The following WDPCP variants were observed in gnomAD, a reference collection of about 807,000 sequenced individuals.
The protein encoded by WDPCP is WD repeat-containing and planar cell polarity effector protein fritz homolog.
A neutral mutation model predicts 93.1 loss-of-function variants in WDPCP; 71 were observed. That is an observed-to-expected ratio of 0.76 (90% CI 0.63 to 0.93). The LOEUF (loss-of-function observed/expected upper bound fraction) is 0.93, where lower values mean the gene tolerates loss of function less well. WDPCP is among the 40% of genes least tolerant of loss of function. The pLI, the probability that WDPCP is intolerant of heterozygous loss-of-function variation, is 0.00. For missense variants in WDPCP, 844 were observed against 887.4 expected, an observed-to-expected ratio of 0.95 and a Z score of 0.62; for synonymous variants, 315 against 315.0, an observed-to-expected ratio of 1.00 and a Z score of 0.00.
At chr2:63,149,760 T>G (rs1330733009) in intron 17 of WDPCP, among the ~76,000 whole-genome samples, 1 of 152,200 alleles carries the variant, frequency 6.6e-6, no homozygotes, top group Admixed American at 6.5e-5. Context: ...TCCACTTATA[T>G]AAAGTTCAGA....
chr2:63,154,895 A>G (rs1013724394), intron 15 of WDPCP, among the ~76,000 whole-genome samples: 1 of 152,182 alleles, frequency 6.6e-6, no homozygotes, highest in African/African-American at 2.4e-5. Context: ...TCAATTTCCC[A>G]AATAGCTCAT....
intron 6 of WDPCP, among the ~76,000 whole-genome samples, chr2:63,449,239 T>C (rs894427203): frequency 2.6e-5 from 4 of 152,190 alleles, no homozygotes; most frequent in Non-Finnish European, 4.4e-5. Flanking sequence ...ACCTCTCTCC[T>C]GAAACTTTCA....
At chr2:63,749,789 T>C (rs1182362076) in intron 2 of WDPCP, among the ~76,000 whole-genome samples, 1 of 152,166 alleles carries the variant, frequency 6.6e-6, no homozygotes, top group Non-Finnish European at 1.5e-5. Flanking sequence ...GAACACATAA[T>C]CTAGAATTTT....
At chr2:63,331,805 T>A (rs184496784) in intron 12 of WDPCP, among the ~76,000 whole-genome samples, 1 of 152,298 alleles carries the variant, frequency 6.6e-6, no homozygotes, top group Admixed American at 6.5e-5. Flanking sequence ...GTATCAGGCT[T>A]TGCTTTTCCT....
chr2:63,688,295 T>C (rs1668839981), intron 2 of WDPCP, among the ~76,000 whole-genome samples: 1 of 151,650 alleles, frequency 6.6e-6, no homozygotes, highest in Non-Finnish European at 1.5e-5. Context: ...GGCGTGGTGG[T>C]GGGCGCCTGT....
Position 63,588,294 on chromosome 2 carries a change from AAGGTTCCT to A in WDPCP, c.-31_-24del, listed in dbSNP as rs762799940. 6.8e-5 allele frequency: 106 copies of A among 1,565,426 alleles called. No homozygotes were observed. Among genetic ancestry groups the A allele is most frequent in the Middle Eastern group, 5.0e-4 (3 of 6,036 alleles). ...CATCACCAGACACTACCCCGGGCAGAAGGTTCCTAGGCTAGGTCCTCGGACCCGAGAGG... is the reference window on the plus strand; with the variant it reads ...CATCACCAGACACTACCCCGGGCAGAAGGCTAGGTCCTCGGACCCGAGAGG... On this transcript the variant is annotated 5_prime_UTR_variant, in exon 1 of 18. Coordinates refer to ENST00000272321, the MANE Select transcript of WDPCP (RefSeq NM_015910.7).
chr2:63,484,308 C>A (rs752947402), intron 6 of WDPCP, among the ~76,000 whole-genome samples: 7 of 151,850 alleles, frequency 4.6e-5, no homozygotes, highest in Non-Finnish European at 7.4e-5. Context: ...AAATCTATGC[C>A]AGCAAACATC....
intron 6 of WDPCP, among the ~76,000 whole-genome samples, chr2:63,465,265 G>T (rs1346301120): frequency 6.6e-6 from 1 of 151,880 alleles, no homozygotes; most frequent in Non-Finnish European, 1.5e-5. Flanking sequence ...ATTTTTGTTT[G>T]ATAGCTAAAT....
chr2:63,372,912 T>A (rs902035901), intron 12 of WDPCP, among the ~76,000 whole-genome samples: 1 of 151,930 alleles, frequency 6.6e-6, no homozygotes, highest in African/African-American at 2.4e-5. Context: ...TCACCTGAGG[T>A]TGGGAGTTTG....
Position 63,547,553 on chromosome 2 carries a change from G to GTATA in WDPCP, c.75+40640_75+40643dup, listed in dbSNP as rs3077063. On this transcript the variant is annotated intron_variant, in intron 1 of 17. Transcript: ENST00000272321. The stretch of plus-strand genomic sequence containing the variant: ...TAAACAGATAAAGAAAATGTGGTAT[G>GTATA]TATACACACACACACACACACACAT... 5.2e-4 allele frequency among the ~76,000 whole-genome samples: 78 copies of GTATA among 150,076 alleles called. 1 individual carries two copies. The East Asian group carries it at 9.1e-3, about 18-fold the overall frequency.
intron 17 of WDPCP, among the ~76,000 whole-genome samples, chr2:63,136,705 C>T (rs1670644942): frequency 6.6e-6 from 1 of 152,114 alleles, no homozygotes; most frequent in African/African-American, 2.4e-5. Flanking sequence ...TTCTCCCACC[C>T]TCCACCCTCC....
intron 12 of WDPCP, among the ~76,000 whole-genome samples, chr2:63,348,314 T>C (rs1689336754): frequency 6.6e-6 from 1 of 152,182 alleles, no homozygotes; most frequent in African/African-American, 2.4e-5. Flanking sequence ...CTGCATGCTA[T>C]CTCCACAACT....
intron 1 of WDPCP, among the ~76,000 whole-genome samples, chr2:63,531,678 G>A (rs1703863901): frequency 1.3e-5 from 2 of 152,084 alleles, no homozygotes; most frequent in African/African-American, 4.8e-5. Flanking sequence ...CAACAAAAAG[G>A]ACATCCACAC....
chr2:63,467,140 T>C (rs911135698), intron 6 of WDPCP, among the ~76,000 whole-genome samples: 1 of 152,180 alleles, frequency 6.6e-6, no homozygotes, highest in South Asian at 2.1e-4. Context: ...TGGATTGAAG[T>C]AGTCAAGATA....
intron 3 of WDPCP, among the ~76,000 whole-genome samples, chr2:63,609,370 A>G (rs982986211): frequency 7.9e-5 from 12 of 151,774 alleles, no homozygotes; most frequent in African/African-American, 2.9e-4. Context: ...AAACAAAACA[A>G]CAACAACAAA....
chr2:63,755,210 C>G (rs1669944745), intron 2 of WDPCP, among the ~76,000 whole-genome samples: 1 of 152,174 alleles, frequency 6.6e-6, no homozygotes, highest in Admixed American at 6.5e-5. Context: ...TTACACAGGT[C>G]TGCTATATTC....
intron 6 of WDPCP, among the ~76,000 whole-genome samples, chr2:63,453,515 T>C (rs1355502942): frequency 6.6e-6 from 1 of 152,142 alleles, no homozygotes; most frequent in Non-Finnish European, 1.5e-5. Context: ...ACTAGTTCAA[T>C]CATTGTGGAA....
intron 12 of WDPCP, among the ~76,000 whole-genome samples, chr2:63,334,597 G>T (rs895359935): frequency 8.5e-5 from 13 of 152,272 alleles, no homozygotes; most frequent in Admixed American, 1.3e-4. Flanking sequence ...AGTAGAGTGA[G>T]TAGTAGGAGG....
At chr2:63,713,306 C>A (rs1440398243) in intron 2 of WDPCP, among the ~76,000 whole-genome samples, 1 of 152,154 alleles carries the variant, frequency 6.6e-6, no homozygotes, top group African/African-American at 2.4e-5. Context: ...AAGGGCTGTA[C>A]CTCCCTTACC....
Sources: gnomAD v4.1 joint callset for allele counts (sites outside exome capture counted in the v4.1 genomes callset) on GRCh38, gnomAD v4.1.1 for gene constraint, MANE v1.5 for transcripts, NCBI Gene and HGNC (gene_info 2026-07-23, HGNC 2026-07-21) for gene names.